CREB5: variants seen among roughly 807,000 people sequenced by gnomAD.
The protein encoded by CREB5 is cAMP responsive element binding protein 5, also known as cyclic AMP-responsive element-binding protein 5.
A neutral mutation model predicts 57.1 loss-of-function variants in CREB5; 19 were observed. That is an observed-to-expected ratio of 0.33 (90% CI 0.23 to 0.49). The LOEUF (loss-of-function observed/expected upper bound fraction) is 0.49. Among genes scored for constraint, CREB5 ranks in the 20% least tolerant of loss-of-function variants. CREB5 has a pLI of 0.99. For synonymous variants in CREB5, 238 were observed against 238.3 expected (o/e 1.00, Z 0.01); for missense variants, 579 against 671.6 (o/e 0.86, Z 1.52).
intron 1 of CREB5, among the ~76,000 whole-genome samples, chr7:28,462,523 G>A (rs191628562): frequency 2.8e-4 from 43 of 152,190 alleles, no homozygotes; most frequent in African/African-American, 8.4e-4. Flanking sequence ...TGGCTGCCCC[G>A]TTTTACAAAC....
rs143464476 is a variant in CREB5 at position 28,597,369 on chromosome 7, C to T, written c.464+26832C>T. 9.3e-4 allele frequency among the ~76,000 whole-genome samples: 142 copies of T among 152,284 alleles called. 1 individual carries two copies. Among genetic ancestry groups the T allele is most frequent in the African/African-American group, 3.4e-3 (140 of 41,558 alleles). On this transcript the variant is annotated intron_variant, in intron 5 of 10. Transcript: ENST00000357727. ...AAAGCTGATCTCCTGGTCTTGGTCTCACTTATTCTGCCACAGTTGTTTTCA... is the reference window on the plus strand; with the variant it reads ...AAAGCTGATCTCCTGGTCTTGGTCTTACTTATTCTGCCACAGTTGTTTTCA...
At chr7:28,523,142 C>T (rs1793283607) in intron 4 of CREB5, among the ~76,000 whole-genome samples, 1 of 152,152 alleles carries the variant, frequency 6.6e-6, no homozygotes, top group Non-Finnish European at 1.5e-5. Flanking sequence ...TGAGCACTGC[C>T]CTGGGTCTCT....
chr7:28,579,442 T>C (rs1293045937), intron 5 of CREB5, among the ~76,000 whole-genome samples: 1 of 152,022 alleles, frequency 6.6e-6, no homozygotes, highest in African/African-American at 2.4e-5. Flanking sequence ...ATTTGGAGTT[T>C]TATAGTTTTC....
chr7:28,302,726 C>T (rs1376304869), intron 1 of CREB5, among the ~76,000 whole-genome samples: 1 of 152,126 alleles, frequency 6.6e-6, no homozygotes, highest in East Asian at 1.9e-4. Context: ...CCAGCCCTCT[C>T]TCCAGCATGG....
intron 7 of CREB5, among the ~76,000 whole-genome samples, chr7:28,728,521 A>G (rs574169017): frequency 6.6e-6 from 1 of 152,396 alleles, no homozygotes; most frequent in Non-Finnish European, 1.5e-5. Context: ...GAAAAGATGT[A>G]GAGTGGTTAG....
chr7:28,748,898 A>G (rs1053124302), intron 7 of CREB5, among the ~76,000 whole-genome samples: 6 of 152,222 alleles, frequency 3.9e-5, no homozygotes, highest in Non-Finnish European at 7.3e-5. Flanking sequence ...GGGCTCTCCC[A>G]GTGTCGTAGC....
At chr7:28,472,521 A>G (rs535174381) in intron 1 of CREB5, among the ~76,000 whole-genome samples, 99 of 152,262 alleles carry the variant, frequency 6.5e-4, no homozygotes, top group African/African-American at 2.2e-3. Context: ...GCTATGTCAC[A>G]GGGGCTGTGT....
intron 5 of CREB5, among the ~76,000 whole-genome samples, chr7:28,670,285 A>G (rs952772080): frequency 6.6e-6 from 1 of 152,234 alleles, no homozygotes; most frequent in African/African-American, 2.4e-5. Context: ...AAGCTATGTG[A>G]AGGTGGTTTC....
At chr7:28,410,976 C>A (rs557696701), upstream of CREB5, among the ~76,000 whole-genome samples, 1 of 152,166 alleles carries the variant, frequency 6.6e-6, no homozygotes, top group Admixed American at 6.5e-5. Context: ...AGCCCCGCCC[C>A]CGCCTTTTTA....
intron 1 of CREB5, among the ~76,000 whole-genome samples, chr7:28,392,166 G>A (rs1787231178): frequency 6.6e-6 from 1 of 152,128 alleles, no homozygotes; most frequent in Non-Finnish European, 1.5e-5. Flanking sequence ...AAAAATAACT[G>A]TTGGGTACTA....
At chr7:28,449,692 A>G (rs1003511032) in intron 1 of CREB5, among the ~76,000 whole-genome samples, 4 of 152,216 alleles carry the variant, frequency 2.6e-5, no homozygotes, top group African/African-American at 7.2e-5. Context: ...TGACCAAATC[A>G]TGTGTTAGGA....
intron 5 of CREB5, among the ~76,000 whole-genome samples, chr7:28,679,462 C>T (rs1330422791): frequency 6.6e-6 from 1 of 151,958 alleles, no homozygotes; most frequent in Non-Finnish European, 1.5e-5. Context: ...GAGTGTGGGC[C>T]CTGATGAGAT....
At chr7:28,484,009 G>A (rs1256797466) in intron 1 of CREB5, among the ~76,000 whole-genome samples, 1 of 152,166 alleles carries the variant, frequency 6.6e-6, no homozygotes, top group African/African-American at 2.4e-5. Context: ...TGATGATTCA[G>A]GATCATTATC....
intron 1 of CREB5, among the ~76,000 whole-genome samples, chr7:28,357,642 C>A (rs909728430): frequency 1.3e-5 from 2 of 152,098 alleles, no homozygotes; most frequent in South Asian, 4.1e-4. Context: ...TTTAGAGATG[C>A]GTGACTTCGT....
chr7:28,410,976 C>T (rs557696701), upstream of CREB5, among the ~76,000 whole-genome samples: 31 of 152,282 alleles, frequency 2.0e-4, no homozygotes, highest in South Asian at 6.2e-3. Context: ...AGCCCCGCCC[C>T]CGCCTTTTTA....
intron 1 of CREB5, among the ~76,000 whole-genome samples, chr7:28,472,106 C>G (rs1209203316): frequency 1.3e-5 from 2 of 149,282 alleles, no homozygotes; most frequent in Non-Finnish European, 3.0e-5. Flanking sequence ...CCAACAAAAA[C>G]AGTCTCTAGC....
At chr7:28,747,474 C>T (rs146483142) in intron 7 of CREB5, among the ~76,000 whole-genome samples, 1 of 152,322 alleles carries the variant, frequency 6.6e-6, no homozygotes, top group East Asian at 1.9e-4. Context: ...AAGGGAGTTA[C>T]AGCAAATTCC....
At chr7:28,509,686 T>A (rs1792621345) in intron 4 of CREB5, among the ~76,000 whole-genome samples, 1 of 152,206 alleles carries the variant, frequency 6.6e-6, no homozygotes, top group Non-Finnish European at 1.5e-5. Context: ...TATAGATAAT[T>A]AAATTTTAAA....
chr7:28,773,535 A>G (rs1806453932), intron 7 of CREB5, among the ~76,000 whole-genome samples: 1 of 151,538 alleles, frequency 6.6e-6, no homozygotes, highest in South Asian at 2.1e-4. Flanking sequence ...AGTCAGTCAT[A>G]TGATGTCTGT....
Sources: allele counts gnomAD v4.1 joint callset (sites outside exome capture counted in the v4.1 genomes callset), GRCh38; gene constraint gnomAD v4.1.1; transcripts MANE v1.5; gene names NCBI Gene and HGNC (gene_info 2026-07-23, HGNC 2026-07-21).